PALM2AKAP2: variants seen among roughly 807,000 people sequenced by gnomAD.
PALM2AKAP2 encodes the protein PALM2-AKAP2 fusion protein.
PALM2AKAP2 carries 37 observed loss-of-function variants against 71.5 expected under a neutral mutation model. That is an observed-to-expected ratio of 0.52 (90% CI 0.40 to 0.68). The LOEUF (loss-of-function observed/expected upper bound fraction) is 0.68, where lower values mean the gene tolerates loss of function less well. Among genes scored for constraint, PALM2AKAP2 ranks in the 30% least tolerant of loss-of-function variants. The pLI, the probability that PALM2AKAP2 is intolerant of heterozygous loss-of-function variation, is 0.00. For missense variants in PALM2AKAP2, 1,224 were observed against 1,191.8 expected (o/e 1.03, Z -0.40); for synonymous variants, 468 against 478.8 (o/e 0.98, Z 0.29).
chr9:110,143,121 T>C (rs1325989257), intron 2 of PALM2AKAP2, among the ~76,000 whole-genome samples: 1 of 151,774 alleles, frequency 6.6e-6, no homozygotes, highest in Non-Finnish European at 1.5e-5. Context: ...CACTTAGAAT[T>C]AGAGACTAAA....
At chr9:109,929,171 T>TTG (rs1471118071) in intron 5 of PALM2AKAP2, among the ~76,000 whole-genome samples, 5 of 146,396 alleles carry the variant, frequency 3.4e-5, no homozygotes, top group African/African-American at 5.0e-5. Flanking sequence ...TGTAAGTAGT[T>TTG]TTTTTTTTTT....
intron 1 of PALM2AKAP2, among the ~76,000 whole-genome samples, chr9:110,101,591 C>T (rs759175129): frequency 3.3e-5 from 5 of 152,142 alleles, no homozygotes; most frequent in Non-Finnish European, 7.4e-5. Context: ...CCAAGGCAGA[C>T]AAAGAAAGCC....
intron 1 of PALM2AKAP2, among the ~76,000 whole-genome samples, chr9:109,841,398 G>A (rs970822819): frequency 6.8e-6 from 1 of 147,284 alleles, no homozygotes; most frequent in Non-Finnish European, 1.5e-5. Flanking sequence ...GATAGCATTA[G>A]GAGATATACC....
At chr9:109,953,720 C>G (rs528341260) in intron 6 of PALM2AKAP2, among the ~76,000 whole-genome samples, 3 of 150,814 alleles carry the variant, frequency 2.0e-5, no homozygotes, top group Non-Finnish European at 3.0e-5. Flanking sequence ...CTGTAATCCC[C>G]GCTACTCAGG....
intron 1 of PALM2AKAP2, among the ~76,000 whole-genome samples, chr9:110,068,512 C>CT (rs34521649): frequency 0.43 from 60,744 of 141,374 alleles, 13,947 homozygotes; most frequent in East Asian, 0.52. Context: ...AAAATTGGAG[C>CT]TTTTTTAAAA....
intron 1 of PALM2AKAP2, among the ~76,000 whole-genome samples, chr9:109,825,812 C>T (rs1295327988): frequency 6.6e-6 from 1 of 152,164 alleles, no homozygotes; most frequent in African/African-American, 2.4e-5. Flanking sequence ...GTGGCGATTC[C>T]TCAGGGATCT....
At chr9:110,130,790 A>G (rs2119060615) in intron 1 of PALM2AKAP2, among the ~76,000 whole-genome samples, 1 of 152,340 alleles carries the variant, frequency 6.6e-6, no homozygotes, top group African/African-American at 2.4e-5. Context: ...CTAAGGGTGT[A>G]TAAACCAAAG....
intron 5 of PALM2AKAP2, among the ~76,000 whole-genome samples, chr9:109,929,797 G>C (rs927740191): frequency 1.4e-5 from 2 of 144,354 alleles, no homozygotes; most frequent in Admixed American, 7.1e-5. Context: ...CTGGGAGGCA[G>C]AGCTTGCAGT....
intron 5 of PALM2AKAP2, among the ~76,000 whole-genome samples, chr9:109,931,455 A>G (rs1211395254): frequency 6.6e-6 from 1 of 152,238 alleles, no homozygotes; most frequent in East Asian, 1.9e-4. Context: ...AGGCTCATAA[A>G]GCTATATTGC....
At chr9:110,141,081 A>T (rs976911455) in intron 2 of PALM2AKAP2, among the ~76,000 whole-genome samples, 1 of 152,162 alleles carries the variant, frequency 6.6e-6, no homozygotes, top group Non-Finnish European at 1.5e-5. Flanking sequence ...TCTAGCACAT[A>T]AACAACTGTC....
At chr9:110,043,247 A>T (rs1346506407) in intron 7 of PALM2AKAP2, among the ~76,000 whole-genome samples, 2 of 152,236 alleles carry the variant, frequency 1.3e-5, no homozygotes, top group Admixed American at 6.5e-5. Flanking sequence ...GGGGGTTACA[A>T]GAAGTGTTTA....
intron 1 of PALM2AKAP2, among the ~76,000 whole-genome samples, chr9:110,118,396 A>G (rs1020318931): frequency 6.6e-6 from 1 of 151,932 alleles, no homozygotes; most frequent in Non-Finnish European, 1.5e-5. Flanking sequence ...ACAGGAGCCC[A>G]CCACCACGCC....
intron 7 of PALM2AKAP2, among the ~76,000 whole-genome samples, chr9:110,035,025 A>G (rs1192336031): frequency 6.6e-6 from 1 of 151,710 alleles, no homozygotes; most frequent in Non-Finnish European, 1.5e-5. Context: ...GAATTCGCCC[A>G]TGGTAAATGT....
chr9:109,874,409 A>C (rs566661354), intron 2 of PALM2AKAP2, among the ~76,000 whole-genome samples: 1 of 152,376 alleles, frequency 6.6e-6, no homozygotes, highest in South Asian at 2.1e-4. Context: ...CCAGATCTAC[A>C]GCTCACTCGG....
Position 110,055,569 on chromosome 9 carries a change from A to G in PALM2AKAP2, c.156+6714A>G, listed in dbSNP as rs1294063302. Among the ~76,000 whole-genome samples the G allele has an allele frequency of 2.0e-5, 3 of 152,072 alleles. No homozygotes were observed. In the East Asian group the frequency reaches 5.8e-4, roughly 29 times the overall value. On this transcript the variant is annotated intron_variant, in intron 1 of 3. Coordinates refer to ENST00000374525, the Ensembl canonical transcript of PALM2AKAP2. ...AGTGTTCTACGCTTACGACCTAATCACCTCCCAGAGGACCCACCTCCTCAT... is the reference window on the plus strand; with the variant it reads ...AGTGTTCTACGCTTACGACCTAATCGCCTCCCAGAGGACCCACCTCCTCAT...
intron 1 of PALM2AKAP2, among the ~76,000 whole-genome samples, chr9:109,656,739 T>A (rs936213069): frequency 2.6e-5 from 4 of 152,176 alleles, no homozygotes; most frequent in African/African-American, 9.7e-5. Flanking sequence ...AAGGGTGTGA[T>A]TGATGGCTGT....
chr9:110,022,162 C>T (rs1328952697), intron 7 of PALM2AKAP2, among the ~76,000 whole-genome samples: 1 of 152,184 alleles, frequency 6.6e-6, no homozygotes, highest in African/African-American at 2.4e-5. Flanking sequence ...TTGTCTTTCA[C>T]TGTGTCTCTC....
intron 1 of PALM2AKAP2, among the ~76,000 whole-genome samples, chr9:109,653,973 T>C (rs182335430): frequency 2.0e-3 from 304 of 152,350 alleles, no homozygotes; most frequent in Middle Eastern, 0.017. Flanking sequence ...GCAAAGTCTC[T>C]ATTTTTTGGG....
At chr9:109,780,129 A>C (rs1829413601), upstream of PALM2AKAP2, among the ~76,000 whole-genome samples, 1 of 150,678 alleles carries the variant, frequency 6.6e-6, no homozygotes, top group South Asian at 2.1e-4. Context: ...CCAGGGGCGG[A>C]GCGAGGCACC....
Sources: allele counts gnomAD v4.1 joint callset (sites outside exome capture counted in the v4.1 genomes callset), GRCh38; gene constraint gnomAD v4.1.1; transcripts MANE v1.5; gene names NCBI Gene and HGNC (gene_info 2026-07-23, HGNC 2026-07-21).